Variants in DDB1 observed in about 807,000 individuals in gnomAD.
The protein encoded by DDB1 is DNA damage-binding protein 1.
DDB1 carries 18 observed loss-of-function variants against 133.1 expected under a neutral mutation model. That is an observed-to-expected ratio of 0.14 (90% CI 0.09 to 0.20). The LOEUF (loss-of-function observed/expected upper bound fraction) is 0.20. DDB1 is among the 10% of genes least tolerant of loss of function. DDB1 has a pLI of 1.00. For missense variants in DDB1, 828 were observed against 1,459.2 expected (o/e 0.57, Z 7.05); for synonymous variants, 580 against 550.5 (o/e 1.05, Z -0.75).
At chr11:61,332,222 T>C (rs1482326759) in intron 1 of DDB1, 1 of 157,244 alleles carries the variant, frequency 6.4e-6, no homozygotes, top group Non-Finnish European at 1.4e-5. Context: ...TGAACAACAG[T>C]TTTGTTTTGG....
At position 61,303,998 on chromosome 11, in the gene DDB1, C is replaced by T. The variant is rs1163076056; in HGVS notation, c.2699G>A (p.Arg900His). 6.2e-7 allele frequency: 1 copy of T among 1,613,886 alleles called. No homozygotes were observed. Among genetic ancestry groups the T allele is most frequent in the Non-Finnish European group, 8.5e-7 (1 of 1,180,028 alleles). ...LYEWTTEKEL[R>H]TECNHYNNIM... ...GTTGTTGTAGTGGTTGCACTCAGTG[C>T]GCAGCTCCTTCTCTGTTGTCCACTC... The change falls in exon 22 of 27, where the codon CGC becomes CAC. Residue 900 changes from arginine to histidine, a missense_variant. Transcript: ENST00000301764.
intron 2 of DDB1, among the ~76,000 whole-genome samples, chr11:61,330,394 T>C (rs1301057051): frequency 3.3e-5 from 5 of 150,442 alleles, no homozygotes; most frequent in Admixed American, 1.3e-4. Context: ...ATGAATGTAA[T>C]GCCTCCTCCA....
chr11:61,304,173 G>A, intron 21 of DDB1, 138 bp from the exon 22 acceptor site: 1 of 760,988 alleles, frequency 1.3e-6, no homozygotes, highest in East Asian at 2.6e-5. Context: ...ATGAGGCACT[G>A]GGGTGAACAT....
At chr11:61,302,226 C>T (rs1187323427) in intron 25 of DDB1, 31 bp downstream of exon 25, 3 of 1,597,410 alleles carry the variant, frequency 1.9e-6, no homozygotes, top group Non-Finnish European at 2.6e-6. Flanking sequence ...GGATGTGCTT[C>T]CCAGCAAGGG....
At chr11:61,312,208 C>CA (rs759714137) in intron 16 of DDB1, 124 bp from the exon 17 acceptor site, 5 of 767,556 alleles carry the variant, frequency 6.5e-6, no homozygotes, top group African/African-American at 1.7e-5. Context: ...TGCTAAACAT[C>CA]ACCTGGAGAG....
Position 61,313,994 on chromosome 11 carries a change from T to G in DDB1, c.1754-25A>C, listed in dbSNP as rs376247469. ...TCTGTGAGAAAGGGGGACATTATGT[T>G]CTTGTTCCACATTTTGACTCTGTCC... On this transcript the variant is annotated intron_variant, in intron 14 of 26. Coordinates refer to ENST00000301764, the MANE Select transcript of DDB1 (RefSeq NM_001923.5). The G allele has an allele frequency of 3.3e-5, 54 of 1,614,046 alleles. 1 individual carries two copies. The highest frequency in any genetic ancestry group is 4.2e-5 in the Non-Finnish European group (49 of 1,180,042).
At chr11:61,331,155 C>T (rs1225132547) in intron 2 of DDB1, among the ~76,000 whole-genome samples, 1 of 152,188 alleles carries the variant, frequency 6.6e-6, no homozygotes, top group Admixed American at 6.5e-5. Context: ...TTAATTTCTC[C>T]CTTCTAAAGA....
At position 61,305,706 on chromosome 11, in the gene DDB1, C is replaced by A. The variant is rs1855872633; in HGVS notation, c.2662-1671G>T. Reference sequence around the variant, plus strand: ...CACTCTCTCTCCACACTCTCAACCTCCCCATCGCCTTGGAGAGAGTCAAGA... The same window carrying A: ...CACTCTCTCTCCACACTCTCAACCTACCCATCGCCTTGGAGAGAGTCAAGA... On this transcript the variant is annotated intron_variant, in intron 21 of 26. Transcript: ENST00000301764. Among the ~76,000 whole-genome samples, 8 of 152,278 alleles carry A rather than the reference C, an allele frequency of 5.3e-5. 1 individual carries two copies. In the South Asian group the frequency reaches 1.7e-3, roughly 32 times the overall value.
intron 6 of DDB1, 28 bp from the exon 7 acceptor site, chr11:61,324,165 G>C (rs1000265033): frequency 5.0e-6 from 8 of 1,613,392 alleles, no homozygotes; most frequent in Non-Finnish European, 6.8e-6. Flanking sequence ...ACAGTCATTA[G>C]AGATTCAGCA....
At chr11:61,304,909 G>A (rs938817296) in intron 21 of DDB1, among the ~76,000 whole-genome samples, 6 of 151,358 alleles carry the variant, frequency 4.0e-5, no homozygotes, top group Non-Finnish European at 8.8e-5. Context: ...AAAAGAAACT[G>A]CTTTTTTCTG....
At chr11:61,323,409 CTTTTT>C (rs933754237) in intron 7 of DDB1, 1 of 290,754 alleles carries the variant, frequency 3.4e-6, no homozygotes, top group East Asian at 7.4e-5. Context: ...CAGCAATAAT[CTTTTT>C]TTTTTCTTTT....
At chr11:61,316,942 G>GATATAT (rs1856081507) in intron 10 of DDB1, among the ~76,000 whole-genome samples, 5 of 27,064 alleles carry the variant, frequency 1.8e-4, no homozygotes, top group Non-Finnish European at 3.3e-4. Flanking sequence ...AAAAAAAAAG[G>GATATAT]ATAGATATAT....
chr11:61,306,910 C>T (rs989664883), intron 21 of DDB1, among the ~76,000 whole-genome samples: 1 of 152,070 alleles, frequency 6.6e-6, no homozygotes, highest in Non-Finnish European at 1.5e-5. Context: ...CATTTTCCTA[C>T]TCCTCTCACT....
chr11:61,321,720 T>C (rs1165785054), intron 9 of DDB1, 23 bp from the exon 10 acceptor site: 1 of 1,608,002 alleles, frequency 6.2e-7, no homozygotes, highest in Admixed American at 1.7e-5. Context: ...AAAACGTTTC[T>C]AAAGAACCCC....
At chr11:61,332,716 C>T (rs886553827) in intron 1 of DDB1, 192 bp downstream of exon 1, 4 of 458,940 alleles carry the variant, frequency 8.7e-6, no homozygotes, top group African/African-American at 8.2e-5. Flanking sequence ...AGAGCGGCTT[C>T]CAACCCCCAA....
chr11:61,327,177 G>A (rs1856283267), intron 4 of DDB1, among the ~76,000 whole-genome samples: 1 of 152,166 alleles, frequency 6.6e-6, no homozygotes, highest in African/African-American at 2.4e-5. Context: ...GGTACTATAA[G>A]AGATACTGTG....
At chr11:61,322,240 G>A (rs1478870372) in intron 9 of DDB1, 56 bp downstream of exon 9, 15 of 1,359,800 alleles carry the variant, frequency 1.1e-5, no homozygotes, top group Non-Finnish European at 1.5e-5. Context: ...GCATAGCTAG[G>A]AGGACACAGT....
rs567892914 is a variant in DDB1, at chr11:61,333,020, G to A, written c.-52C>T. On this transcript the variant is annotated 5_prime_UTR_variant, in exon 1 of 27. Coordinates refer to ENST00000301764, the MANE Select transcript of DDB1 (RefSeq NM_001923.5). ...ACTCGAGCGCGACACTAGAAAGAGGGACACAAGCGAAAAGACAGGTGGCCC... is the reference window on the plus strand; with the variant it reads ...ACTCGAGCGCGACACTAGAAAGAGGAACACAAGCGAAAAGACAGGTGGCCC... 5.6e-6 allele frequency: 8 copies of A among 1,434,902 alleles called. No homozygotes were observed. The highest frequency in any genetic ancestry group is 5.5e-5 in the South Asian group (4 of 73,338). 88.9% of individuals were successfully genotyped at this position (1,434,902 alleles called of 1,614,324 possible).
At chr11:61,325,901 C>G (rs1053958585) in intron 5 of DDB1, 193 bp from the exon 6 acceptor site, 3 of 656,388 alleles carry the variant, frequency 4.6e-6, no homozygotes, top group African/African-American at 1.8e-5. Context: ...ATTATCTAAT[C>G]CTGGTAGTAT....
Sources: allele counts gnomAD v4.1 joint callset (sites outside exome capture counted in the v4.1 genomes callset), GRCh38; gene constraint gnomAD v4.1.1; transcripts MANE v1.5; gene names NCBI Gene and HGNC (gene_info 2026-07-23, HGNC 2026-07-21).